LGSN: variants seen among roughly 807,000 people sequenced by gnomAD.
The protein encoded by LGSN is lengsin, lens protein with glutamine synthetase domain.
Under a neutral mutation model 19.5 loss-of-function variants are expected in LGSN, and 21 were observed. That is an observed-to-expected ratio of 1.07 (90% CI 0.76 to 1.55). The LOEUF is 1.55. Ranked by LOEUF, LGSN falls within the 40% of genes most tolerant of loss-of-function variation. The pLI is 0.00. For synonymous variants in LGSN, 257 were observed against 215.6 expected (o/e 1.19, Z -1.68); for missense variants, 673 against 608.5 (o/e 1.11, Z -1.12).
the LGSN span, among the ~76,000 whole-genome samples, chr6:63,404,955 C>G: frequency 1.8e-5 from 2 of 113,636 alleles, no homozygotes; most frequent in East Asian, 6.5e-4. Context: ...TCCCTCCCCC[C>G]GCCCCCCACC....
the LGSN span, among the ~76,000 whole-genome samples, chr6:63,410,020 G>A: frequency 6.6e-6 from 1 of 152,036 alleles, no homozygotes; most frequent in Admixed American, 6.6e-5. Context: ...CTGGGCAAAA[G>A]AGCAAGACTC....
the LGSN span, among the ~76,000 whole-genome samples, chr6:63,333,993 A>G: frequency 6.6e-6 from 1 of 152,252 alleles, no homozygotes; most frequent in Non-Finnish European, 1.5e-5. Flanking sequence ...AAGGTCATAT[A>G]TAACAAATGC....
chr6:63,448,448 A>C, the LGSN span, among the ~76,000 whole-genome samples: 3 of 152,100 alleles, frequency 2.0e-5, no homozygotes, highest in Non-Finnish European at 4.4e-5. Flanking sequence ...ACAACTTTCT[A>C]GGGCATTTCA....
chr6:63,512,072 C>T, the LGSN span, among the ~76,000 whole-genome samples: 3 of 141,002 alleles, frequency 2.1e-5, no homozygotes, highest in East Asian at 4.1e-4. Context: ...TTCTTTCCTT[C>T]GCTCCATGTT....
At chr6:63,350,420 G>T in the LGSN span, among the ~76,000 whole-genome samples, 2 of 152,178 alleles carry the variant, frequency 1.3e-5, no homozygotes, top group Non-Finnish European at 2.9e-5. Flanking sequence ...ATAGTTATTT[G>T]TCTGCAAACC....
At chr6:63,392,881 CTT>C in the LGSN span, among the ~76,000 whole-genome samples, 7 of 109,908 alleles carry the variant, frequency 6.4e-5, no homozygotes, top group African/African-American at 7.9e-5. Flanking sequence ...TCTTCTTCTT[CTT>C]TTTTTTTTTT....
chr6:63,416,529 T>C, the LGSN span, among the ~76,000 whole-genome samples: 1 of 152,230 alleles, frequency 6.6e-6, no homozygotes, highest in South Asian at 2.1e-4. Context: ...GAGTGGTTTA[T>C]GTATTTTGTA....
At chr6:63,427,592 G>C in the LGSN span, among the ~76,000 whole-genome samples, 4 of 152,248 alleles carry the variant, frequency 2.6e-5, no homozygotes, top group East Asian at 7.7e-4. Context: ...CATAAAAATA[G>C]TTCACAGTAG....
the LGSN span, among the ~76,000 whole-genome samples, chr6:63,458,258 G>A: frequency 5.3e-5 from 8 of 152,022 alleles, no homozygotes; most frequent in African/African-American, 1.9e-4. Context: ...GTATAGACGG[G>A]GTCTCTCCAT....
the LGSN span, among the ~76,000 whole-genome samples, chr6:63,341,649 G>A: frequency 6.6e-6 from 1 of 152,092 alleles, no homozygotes. Context: ...CTATGACACT[G>A]GAAAGGAAGG....
chr6:63,573,348 A>C, the LGSN span: 1 of 151,740 alleles, frequency 6.6e-6, no homozygotes, highest in Non-Finnish European at 1.5e-5. Flanking sequence ...ATCTGGTTCC[A>C]GAGCTTCTCG....
At chr6:63,562,963 G>T in the LGSN span, among the ~76,000 whole-genome samples, 1 of 152,144 alleles carries the variant, frequency 6.6e-6, no homozygotes. Context: ...TTATATCTCT[G>T]TTTGGCCTTT....
At chr6:63,416,344 T>C in the LGSN span, among the ~76,000 whole-genome samples, 1 of 152,292 alleles carries the variant, frequency 6.6e-6, no homozygotes, top group Non-Finnish European at 1.5e-5. Flanking sequence ...AGGGCCAAAC[T>C]GAGAAATAAT....
chr6:63,420,053 A>T, the LGSN span, among the ~76,000 whole-genome samples: 15 of 151,790 alleles, frequency 9.9e-5, no homozygotes, highest in Middle Eastern at 3.4e-3. Flanking sequence ...ATACAAAAAA[A>T]TTAGCTGGGC....
chr6:63,343,503 G>C, the LGSN span, among the ~76,000 whole-genome samples: 1 of 152,152 alleles, frequency 6.6e-6, no homozygotes, highest in African/African-American at 2.4e-5. Context: ...CACTCTCCAT[G>C]TGATCTATAG....
upstream of LGSN, among the ~76,000 whole-genome samples, chr6:63,320,155 G>A (rs556187234): frequency 6.6e-6 from 1 of 152,118 alleles, no homozygotes; most frequent in African/African-American, 2.4e-5. Context: ...TAGAAGAATC[G>A]AATGACAAAT....
At chr6:63,565,416 A>T in the LGSN span, among the ~76,000 whole-genome samples, 1 of 152,178 alleles carries the variant, frequency 6.6e-6, no homozygotes, top group African/African-American at 2.4e-5. Flanking sequence ...ATAGAGATCG[A>T]TTCAAGAGAA....
At chr6:63,528,505 G>A in the LGSN span, among the ~76,000 whole-genome samples, 3 of 151,798 alleles carry the variant, frequency 2.0e-5, no homozygotes, top group Admixed American at 6.6e-5. Flanking sequence ...TGGACAGATC[G>A]CCTGAGCCCA....
At chr6:63,434,236 C>A in the LGSN span, among the ~76,000 whole-genome samples, 4 of 151,720 alleles carry the variant, frequency 2.6e-5, no homozygotes, top group Non-Finnish European at 4.4e-5. Flanking sequence ...GTCAGGAGTC[C>A]GAGCCCAGCC....
Sources: gnomAD v4.1 joint callset for allele counts (sites outside exome capture counted in the v4.1 genomes callset) on GRCh38, gnomAD v4.1.1 for gene constraint, MANE v1.5 for transcripts, NCBI Gene and HGNC (gene_info 2026-07-23, HGNC 2026-07-21) for gene names.